MLLT1: variants seen among roughly 807,000 people sequenced by gnomAD.
MLLT1 encodes MLLT1 super elongation complex subunit.
In MLLT1, 11 loss-of-function variants were observed where a neutral mutation model predicts 55.1. The observed-to-expected ratio is 0.20, with a 90% confidence interval of 0.13 to 0.33. The LOEUF is 0.33. Ranked by LOEUF, MLLT1 falls within the 10% of genes least tolerant of loss-of-function variation. The pLI, the probability that MLLT1 is intolerant of heterozygous loss-of-function variation, is 1.00. For synonymous variants in MLLT1, 323 were observed against 320.1 expected, an observed-to-expected ratio of 1.01 and a Z score of -0.10; for missense variants, 536 against 760.6, an observed-to-expected ratio of 0.70 and a Z score of 3.47.
chr19:6,218,807 G>T (rs2090869827), intron 6 of MLLT1, among the ~76,000 whole-genome samples: 1 of 152,222 alleles, frequency 6.6e-6, no homozygotes, highest in Non-Finnish European at 1.5e-5. Flanking sequence ...ACGGGGAGGG[G>T]CCCATTGTTC....
rs753510616 is a variant in MLLT1 at position 6,213,136 on chromosome 19, T to A, written c.1586A>T (p.Asn529Ile). 1.2e-6 allele frequency: 2 copies of A among 1,613,950 alleles called. No individual in the cohort carries two copies. Among genetic ancestry groups the A allele is most frequent in the East Asian group, 2.2e-5 (1 of 44,862 alleles). The part of the protein sequence containing the change: ...VNLIEETGHF[N>I]VTNTTFDFDL... ...GAAGTCGAAGGTGGTGTTGGTGACA[T>A]TGAAGTGGCCAGTCTCCTCGATCAG... Residue 529 changes from asparagine to isoleucine, a missense_variant, in exon 12 of 12, where the codon AAT (asparagine) becomes ATT (isoleucine). Asn to Ile is a moderately radical substitution (Grantham distance 149). Transcript: ENST00000252674.
chr19:6,255,989 C>G (rs2091254060), intron 3 of MLLT1, among the ~76,000 whole-genome samples: 1 of 151,810 alleles, frequency 6.6e-6, no homozygotes. Context: ...GAGGCCGAGG[C>G]AGGTAGATCA....
rs775982343 is a variant in MLLT1 at position 6,227,146 on chromosome 19, AG to A, written c.421-45del. Reference sequence around the variant, plus strand: ...CAGTCATTATCGATGGGCAGGGGGCAGGGGGCCCACACGGGCCGGGCTGAAG... The same window carrying A: ...CAGTCATTATCGATGGGCAGGGGGCAGGGGCCCACACGGGCCGGGCTGAAG... On this transcript the variant is annotated intron_variant, in intron 4 of 11. Coordinates refer to ENST00000252674, the MANE Select transcript of MLLT1 (RefSeq NM_005934.4). The surrounding 1 kb of genome is among the most constrained non-coding windows in gnomAD (Gnocchi z 5.1). 7 of 1,563,904 alleles carry A rather than the reference AG, an allele frequency of 4.5e-6. No homozygotes were observed. The South Asian group carries it at 5.9e-5, about 13-fold the overall frequency.
intron 11 of MLLT1, 73 bp from the exon 12 acceptor site, chr19:6,213,243 A>G (rs905265798): frequency 1.2e-6 from 2 of 1,609,218 alleles, no homozygotes; most frequent in Admixed American, 1.7e-5. Flanking sequence ...TAACAGAGGT[A>G]GGGGCTCCTG....
At chr19:6,261,314 G>A (rs908108059) in intron 3 of MLLT1, among the ~76,000 whole-genome samples, 4 of 152,222 alleles carry the variant, frequency 2.6e-5, no homozygotes, top group South Asian at 2.1e-4. Context: ...CGGCTGAAAC[G>A]TCACCCGGCT....
At chr19:6,239,705 T>G (rs995562086) in intron 3 of MLLT1, among the ~76,000 whole-genome samples, 3 of 151,454 alleles carry the variant, frequency 2.0e-5, no homozygotes, top group African/African-American at 7.3e-5. Flanking sequence ...AACACACCCG[T>G]GTACACACAC....
At chr19:6,252,042 T>G (rs1314551012) in intron 3 of MLLT1, among the ~76,000 whole-genome samples, 1 of 152,184 alleles carries the variant, frequency 6.6e-6, no homozygotes, top group Non-Finnish European at 1.5e-5. Flanking sequence ...GACACTGGCA[T>G]GTAAGTCGGG....
Position 6,256,115 on chromosome 19 carries a change from G to T in MLLT1, c.276+6113C>A, listed in dbSNP as rs934490431. Among the ~76,000 whole-genome samples, 3 of 152,264 alleles carry T rather than the reference G, an allele frequency of 2.0e-5. No individual in the cohort carries two copies. The highest frequency in any genetic ancestry group is 7.2e-5 in the African/African-American group (3 of 41,544). On this transcript the variant is annotated intron_variant, in intron 3 of 11. Coordinates refer to ENST00000252674, the MANE Select transcript of MLLT1 (RefSeq NM_005934.4). The surrounding 1 kb of genome is among the most constrained non-coding windows in gnomAD (Gnocchi z 4.1). Reference sequence around the variant, plus strand: ...ACCTGTAATCCCAGCTATTCAGGAGGCTGAGGCAGGAGAATCGCTTGAACC... The same window carrying T: ...ACCTGTAATCCCAGCTATTCAGGAGTCTGAGGCAGGAGAATCGCTTGAACC...
At chr19:6,258,462 G>A (rs562625697) in intron 3 of MLLT1, among the ~76,000 whole-genome samples, 51 of 152,304 alleles carry the variant, frequency 3.3e-4, no homozygotes, top group Non-Finnish European at 6.5e-4. Context: ...GCAAGGCAAC[G>A]CTGTCGTCTT....
chr19:6,224,195 C>G (rs1318857387), intron 5 of MLLT1, among the ~76,000 whole-genome samples: 1 of 152,244 alleles, frequency 6.6e-6, no homozygotes, highest in East Asian at 1.9e-4. Flanking sequence ...AAGCCACAGC[C>G]CACATTCAGT....
intron 6 of MLLT1, among the ~76,000 whole-genome samples, chr19:6,221,291 T>C (rs1370489530): frequency 6.6e-6 from 1 of 152,162 alleles, no homozygotes; most frequent in East Asian, 1.9e-4. Flanking sequence ...CCAGTGTCTG[T>C]TGTCTAAATG....
intron 3 of MLLT1, among the ~76,000 whole-genome samples, chr19:6,239,491 G>A (rs763485640): frequency 4.1e-4 from 62 of 152,126 alleles, no homozygotes; most frequent in Admixed American, 5.9e-4. Flanking sequence ...GACGCCGGAG[G>A]GCCACGGGCA....
At chr19:6,233,222 C>T (rs984908102) in intron 3 of MLLT1, among the ~76,000 whole-genome samples, 6 of 152,232 alleles carry the variant, frequency 3.9e-5, no homozygotes, top group Non-Finnish European at 1.5e-5. Context: ...GGACAGGCGC[C>T]TCCTGGGAGT....
intron 1 of MLLT1, among the ~76,000 whole-genome samples, 200 bp downstream of exon 1, chr19:6,279,573 G>A (rs1029782761): frequency 2.0e-5 from 3 of 151,606 alleles, no homozygotes; most frequent in African/African-American, 7.3e-5. Context: ...GGTCCCGAAG[G>A]GTGTCCGAGG....
In MLLT1 at chr19:6,230,546, C is replaced by T. The variant is rs202202551; in HGVS notation, c.420+24G>A. The T allele has an allele frequency of 2.9e-5, 47 of 1,609,976 alleles. No individual in the cohort carries two copies. The East Asian group carries it at 4.5e-4, about 15-fold the overall frequency. Reference sequence around the variant, plus strand: ...TAGCCTCGGTGGAGCGGCCCCTTGGCGGGCAGGGGCGGGGCACACTCACCC... The same window carrying T: ...TAGCCTCGGTGGAGCGGCCCCTTGGTGGGCAGGGGCGGGGCACACTCACCC... On this transcript the variant is annotated intron_variant, in intron 4 of 11. Coordinates refer to ENST00000252674, the MANE Select transcript of MLLT1 (RefSeq NM_005934.4). The surrounding 1 kb of genome is among the most constrained non-coding windows in gnomAD (Gnocchi z 9.0).
intron 3 of MLLT1, among the ~76,000 whole-genome samples, chr19:6,250,430 C>G (rs979598183): frequency 6.6e-6 from 1 of 152,142 alleles, no homozygotes; most frequent in African/African-American, 2.4e-5. Flanking sequence ...TACAGTCATC[C>G]CTCAGAACTG....
chr19:6,237,988 C>G (rs1395178931), intron 3 of MLLT1, among the ~76,000 whole-genome samples: 1 of 152,098 alleles, frequency 6.6e-6, no homozygotes, highest in Admixed American at 6.5e-5. Flanking sequence ...ACCTGTAGCA[C>G]CAGCTACTCA....
chr19:6,218,511 G>A, intron 6 of MLLT1, among the ~76,000 whole-genome samples: 1 of 152,236 alleles, frequency 6.6e-6, no homozygotes, highest in East Asian at 1.9e-4. Flanking sequence ...CTCAGGGGTG[G>A]CAGAGAGCTC....
At chr19:6,250,834 G>A (rs1350697995) in intron 3 of MLLT1, among the ~76,000 whole-genome samples, 1 of 152,190 alleles carries the variant, frequency 6.6e-6, no homozygotes, top group Non-Finnish European at 1.5e-5. Context: ...CCAAGAGGTG[G>A]GAACAGCCTG....
Sources: allele counts gnomAD v4.1 joint callset (sites outside exome capture counted in the v4.1 genomes callset), GRCh38; gene constraint gnomAD v4.1.1; non-coding constraint Gnocchi (gnomAD v3.1); transcripts MANE v1.5; gene names NCBI Gene and HGNC (gene_info 2026-07-23, HGNC 2026-07-21).